GPM6A: variants seen among roughly 807,000 people sequenced by gnomAD.
GPM6A encodes glycoprotein M6A.
Under a neutral mutation model 32.1 loss-of-function variants are expected in GPM6A, and 7 were observed. The observed-to-expected ratio is 0.22, with a 90% CI of 0.12 to 0.41. The LOEUF is 0.41. Ranked by LOEUF, GPM6A falls within the 10% of genes least tolerant of loss-of-function variation. The pLI is 1.00. For missense variants in GPM6A, 235 were observed against 347.2 expected (o/e 0.68, Z 2.57); for synonymous variants, 130 against 123.4 (o/e 1.05, Z -0.35).
intron 1 of GPM6A, chr4:175,787,007 A>G (rs867748524): frequency 7.1e-5 from 17 of 239,210 alleles, no homozygotes; most frequent in Non-Finnish European, 9.6e-5. Context: ...CCCTCCCCCA[A>G]TTGACCTCCC....
At chr4:175,902,282 A>C (rs1737992468) in intron 1 of GPM6A, among the ~76,000 whole-genome samples, 3 of 152,336 alleles carry the variant, frequency 2.0e-5, no homozygotes, top group Admixed American at 2.0e-4. Flanking sequence ...AAAAGAAATT[A>C]TTTAGGTAGT....
intron 3 of GPM6A, among the ~76,000 whole-genome samples, chr4:175,671,872 A>G: frequency 6.6e-6 from 1 of 151,632 alleles, no homozygotes; most frequent in East Asian, 1.9e-4. Flanking sequence ...TGGGCGGGGC[A>G]TCTTGCTGGG....
At chr4:175,776,455 T>C (rs1439087829) in intron 1 of GPM6A, among the ~76,000 whole-genome samples, 1 of 152,144 alleles carries the variant, frequency 6.6e-6, no homozygotes, top group Non-Finnish European at 1.5e-5. Flanking sequence ...ACTGTGCTGA[T>C]TCATGATGTC....
intron 1 of GPM6A, among the ~76,000 whole-genome samples, chr4:175,958,580 T>G (rs1392196210): frequency 2.0e-5 from 3 of 152,222 alleles, no homozygotes; most frequent in African/African-American, 7.2e-5. Flanking sequence ...CCCCATTCAT[T>G]GACCAGGAGG....
intron 1 of GPM6A, among the ~76,000 whole-genome samples, chr4:175,840,832 C>G (rs1316158146): frequency 6.6e-6 from 1 of 152,082 alleles, no homozygotes; most frequent in Non-Finnish European, 1.5e-5. Context: ...GAAGAATGAA[C>G]AGGAGAACGG....
chr4:175,660,567 G>C (rs1579353348), intron 3 of GPM6A, among the ~76,000 whole-genome samples: 1 of 151,984 alleles, frequency 6.6e-6, no homozygotes, highest in African/African-American at 2.4e-5. Context: ...GAAATATGTT[G>C]CTAAAAAATA....
chr4:175,766,564 A>G (rs1050424108), intron 1 of GPM6A, among the ~76,000 whole-genome samples: 2 of 151,880 alleles, frequency 1.3e-5, no homozygotes, highest in Non-Finnish European at 2.9e-5. Context: ...ATGGATTTAG[A>G]TTGATCTAAT....
At chr4:175,951,071 A>G (rs1263860039) in intron 1 of GPM6A, among the ~76,000 whole-genome samples, 1 of 152,146 alleles carries the variant, frequency 6.6e-6, no homozygotes, top group African/African-American at 2.4e-5. Context: ...ACCACTGGGA[A>G]AGGGAATTTC....
chr4:175,871,798 C>T (rs552027791), intron 1 of GPM6A, among the ~76,000 whole-genome samples: 27 of 152,094 alleles, frequency 1.8e-4, no homozygotes, highest in Non-Finnish European at 3.5e-4. Flanking sequence ...TCTCTAGTGA[C>T]CATTTTGTAT....
intron 1 of GPM6A, among the ~76,000 whole-genome samples, chr4:175,762,233 T>C (rs761206382): frequency 2.6e-5 from 4 of 152,212 alleles, no homozygotes; most frequent in Non-Finnish European, 5.9e-5. Context: ...GCTAAGTTTT[T>C]AATATAGTGC....
intron 2 of GPM6A, among the ~76,000 whole-genome samples, chr4:175,680,621 A>T (rs1579377457): frequency 6.6e-6 from 1 of 152,164 alleles, no homozygotes; most frequent in East Asian, 1.9e-4. Context: ...ATTTTTGGAT[A>T]TACAGGACAT....
At chr4:175,917,922 T>C (rs1738546250) in intron 1 of GPM6A, among the ~76,000 whole-genome samples, 1 of 152,148 alleles carries the variant, frequency 6.6e-6, no homozygotes, top group Non-Finnish European at 1.5e-5. Flanking sequence ...AATCCTTCTT[T>C]CCCGGTTCCC....
intron 1 of GPM6A, among the ~76,000 whole-genome samples, chr4:175,766,690 T>G (rs1335444857): frequency 6.7e-6 from 1 of 149,258 alleles, no homozygotes; most frequent in Non-Finnish European, 1.5e-5. Flanking sequence ...AGTCTCACTC[T>G]GTCACCCAGG....
intron 1 of GPM6A, among the ~76,000 whole-genome samples, chr4:175,701,992 T>C (rs1358840049): frequency 6.6e-6 from 1 of 152,216 alleles, no homozygotes; most frequent in Non-Finnish European, 1.5e-5. Context: ...GTCTTCCTCA[T>C]CTACCGCAAA....
intron 6 of GPM6A, among the ~76,000 whole-genome samples, chr4:175,637,886 T>TAC (rs1491284531): frequency 1.2e-5 from 1 of 86,810 alleles, no homozygotes; most frequent in African/African-American, 9.6e-5. Flanking sequence ...ATTTATATAT[T>TAC]ATATATATAT....
chr4:175,876,784 T>A (rs73010151), intron 1 of GPM6A, among the ~76,000 whole-genome samples: 4,022 of 152,286 alleles, frequency 0.026, 167 homozygotes, highest in African/African-American at 0.09. Flanking sequence ...GAGTCTTTTT[T>A]AAATTTTTTT....
At chr4:175,801,222 A>G (rs1734459635) in intron 1 of GPM6A, among the ~76,000 whole-genome samples, 2 of 152,274 alleles carry the variant, frequency 1.3e-5, no homozygotes, top group Admixed American at 6.5e-5. Context: ...CACTCCACAT[A>G]AGTATAATAT....
chr4:175,690,012 C>G (rs1744209151), intron 2 of GPM6A, among the ~76,000 whole-genome samples: 1 of 152,138 alleles, frequency 6.6e-6, no homozygotes, highest in Non-Finnish European at 1.5e-5. Flanking sequence ...TGCTCTTGTC[C>G]CCTGTTTCAA....
Position 175,701,409 on chromosome 4 carries a change from T to C in GPM6A, c.230+166A>G, listed in dbSNP as rs1006857241. ...CCTGTGCTACGTGCCTTCTATTGAC[T>C]GTGAAGGCAATCATGAATCATGATT... is the stretch of plus-strand genomic sequence containing the variant. On this transcript the variant is annotated intron_variant, in intron 2 of 6. Coordinates refer to ENST00000393658, the MANE Select transcript of GPM6A (RefSeq NM_201591.3). Among the ~76,000 whole-genome samples, 13 of 152,330 alleles carry C rather than the reference T, an allele frequency of 8.5e-5. No individual in the cohort carries two copies. The Middle Eastern group carries it at 0.014, about 159-fold the overall frequency.
Sources: gnomAD v4.1 joint callset for allele counts (sites outside exome capture counted in the v4.1 genomes callset) on GRCh38, gnomAD v4.1.1 for gene constraint, MANE v1.5 for transcripts, NCBI Gene and HGNC (gene_info 2026-07-23, HGNC 2026-07-21) for gene names.